The following MYT1L variants were observed in gnomAD, a reference collection of about 807,000 sequenced individuals.
The protein encoded by MYT1L is myelin transcription factor 1-like protein.
MYT1L carries 12 observed loss-of-function variants against 126.7 expected under a neutral mutation model. That is an observed-to-expected ratio of 0.09 (90% CI 0.06 to 0.15). MYT1L has a LOEUF of 0.15. Ranked by LOEUF, MYT1L falls within the 10% of genes least tolerant of loss-of-function variation. The pLI is 1.00. For synonymous variants in MYT1L, 541 were observed against 604.2 expected (o/e 0.90, Z 1.53); for missense variants, 979 against 1,585.2 (o/e 0.62, Z 6.49).
chr2:1,845,919 AC>A (rs1334348049), intron 19 of MYT1L, among the ~76,000 whole-genome samples: 3 of 151,326 alleles, frequency 2.0e-5, no homozygotes, highest in African/African-American at 4.9e-5. Flanking sequence ...TCTCTGCATG[AC>A]CTCCTAGAGA....
In MYT1L at chr2:1,990,904, C is replaced by T. The variant is rs2061406531; in HGVS notation, c.-1+6287G>A. ...TGCTCTGGGATGTGTTGGAACAGAG[C>T]CCAGGAATCTGCTGTGCAGCCTCAC... On this transcript the variant is annotated intron_variant, in intron 5 of 24. Transcript: ENST00000647738. 3.3e-5 allele frequency among the ~76,000 whole-genome samples: 5 copies of T among 152,282 alleles called. No individual in the cohort carries two copies. In the South Asian group the frequency reaches 1.0e-3, roughly 32 times the overall value.
chr2:1,977,591 C>T (rs912116918), intron 8 of MYT1L, among the ~76,000 whole-genome samples: 2 of 152,182 alleles, frequency 1.3e-5, no homozygotes, highest in African/African-American at 4.8e-5. Context: ...TTCCATCTTT[C>T]ACAATGTGAT....
At chr2:1,840,960 G>A (rs1184439338) in intron 19 of MYT1L, 117 bp from the exon 20 acceptor site, 22 of 695,568 alleles carry the variant, frequency 3.2e-5, no homozygotes, top group African/African-American at 2.0e-4. Context: ...CTGAAGTGCA[G>A]TGGTGTGATC....
chr2:2,227,184 G>C (rs1337442997), intron 2 of MYT1L, among the ~76,000 whole-genome samples: 1 of 152,070 alleles, frequency 6.6e-6, no homozygotes. Flanking sequence ...GCAGGCCTCA[G>C]ACCTTAGACC....
rs935276649 is a variant in MYT1L at position 1,852,187 on chromosome 2, C to T, written c.2712-484G>A. ...CCCTTCCACAGACTGGCCAGGGCTG[C>T]GGCCAGCCTGGGTGGTCCCAGGGAG... On this transcript the variant is annotated intron_variant, in intron 18 of 24. Coordinates refer to ENST00000647738, the MANE Select transcript of MYT1L (RefSeq NM_001303052.2). The surrounding 1 kb of genome is among the most constrained non-coding windows in gnomAD (Gnocchi z 4.0). 2.6e-5 allele frequency among the ~76,000 whole-genome samples: 4 copies of T among 152,148 alleles called. No individual in the cohort carries two copies. The highest frequency in any genetic ancestry group is 9.7e-5 in the African/African-American group (4 of 41,442).
intron 4 of MYT1L, among the ~76,000 whole-genome samples, chr2:2,051,816 A>G (rs2068860936): frequency 6.6e-6 from 1 of 152,250 alleles, no homozygotes; most frequent in South Asian, 2.1e-4. Context: ...CTTAAATTGC[A>G]TATAGAAATT....
At chr2:2,234,381 G>A (rs1027987719) in intron 2 of MYT1L, among the ~76,000 whole-genome samples, 20 of 152,262 alleles carry the variant, frequency 1.3e-4, no homozygotes, top group African/African-American at 4.3e-4. Context: ...TGTAGGGTGC[G>A]GAATTCAGAA....
rs1296457232 is a variant in MYT1L, at chr2:1,889,159, G to A, written c.2520+82C>T. On this transcript the variant is annotated intron_variant, in intron 16 of 24. Coordinates refer to ENST00000647738, the MANE Select transcript of MYT1L (RefSeq NM_001303052.2). The surrounding 1 kb of genome is among the most constrained non-coding windows in gnomAD (Gnocchi z 4.1). ...AAGAGAAAATATATTTTCTCATAAC[G>A]TATGTGCAAATGGCTTTTCTTTCAG... 1.1e-5 allele frequency: 11 copies of A among 1,016,162 alleles called. No homozygotes were observed. The highest frequency in any genetic ancestry group is 2.1e-4 in the Middle Eastern group (1 of 4,668). The allele number at this position is 1,016,162 out of a possible 1,614,324, so 62.9% of individuals were successfully genotyped here.
rs79456636 is a variant in MYT1L at position 2,028,106 on chromosome 2, C to G, written c.-158+25872G>C. On this transcript the variant is annotated intron_variant, in intron 4 of 24. Coordinates refer to ENST00000647738, the MANE Select transcript of MYT1L (RefSeq NM_001303052.2). ...ATGCTTAGCCAATAAGCTTTTGACT[C>G]ATGCTTTGCCCTGCTCCTTCAGGCA... 9.3e-3 allele frequency among the ~76,000 whole-genome samples: 1,415 copies of G among 152,368 alleles called. 29 individuals carry two copies. Among genetic ancestry groups the G allele is most frequent in the African/African-American group, 0.032 (1,325 of 41,590 alleles).
chr2:1,889,995 GGGA>G lies in MYT1L; in HGVS notation c.2284-521_2284-519del, dbSNP rs1476799128. ...ATTGATGCTAATAGTTCAAGAATTA[GGGA>G]GGAGGATAACAAAAGAATTAGAAGG... On this transcript the variant is annotated intron_variant, in intron 15 of 24. Coordinates refer to ENST00000647738, the MANE Select transcript of MYT1L (RefSeq NM_001303052.2). The surrounding 1 kb of genome is among the most constrained non-coding windows in gnomAD (Gnocchi z 4.1). Among the ~76,000 whole-genome samples the G allele has an allele frequency of 1.1e-4, 16 of 151,906 alleles. No homozygotes were observed. Among genetic ancestry groups the G allele is most frequent in the South Asian group, 2.1e-4 (1 of 4,816 alleles).
chr2:1,868,475 G>A (rs2045876598), intron 18 of MYT1L, among the ~76,000 whole-genome samples: 1 of 152,186 alleles, frequency 6.6e-6, no homozygotes, highest in South Asian at 2.1e-4. Flanking sequence ...CTTGATAATT[G>A]GGAAGGATCT....
chr2:2,026,927 G>C (rs925811997), intron 4 of MYT1L, among the ~76,000 whole-genome samples: 1 of 152,110 alleles, frequency 6.6e-6, no homozygotes, highest in African/African-American at 2.4e-5. Context: ...GCTTTTCTCT[G>C]AGTGTGGGGC....
chr2:2,187,512 C>T (rs896892587), intron 2 of MYT1L, among the ~76,000 whole-genome samples: 3 of 151,754 alleles, frequency 2.0e-5, no homozygotes, highest in Non-Finnish European at 4.4e-5. Context: ...TATTGATGAG[C>T]GGCAGAGGGA....
At chr2:1,860,927 G>A (rs2044504017) in intron 18 of MYT1L, among the ~76,000 whole-genome samples, 2 of 151,856 alleles carry the variant, frequency 1.3e-5, no homozygotes, top group South Asian at 4.2e-4. Context: ...AGACTAAGAC[G>A]GAGGATCCAG....
rs879209629 is a variant in MYT1L, at chr2:1,917,456, T to C, written c.1484-117A>G. On this transcript the variant is annotated intron_variant, in intron 10 of 24. Transcript: ENST00000647738. The surrounding 1 kb of genome is among the most constrained non-coding windows in gnomAD (Gnocchi z 5.9). Reference sequence around the variant, plus strand: ...AAGAAATAAAGCAGGTGTCGGGGGCTAGGCTGTGACATCAGACTTTTGCTT... The same window carrying C: ...AAGAAATAAAGCAGGTGTCGGGGGCCAGGCTGTGACATCAGACTTTTGCTT... 10 of 1,270,862 alleles carry C rather than the reference T, an allele frequency of 7.9e-6. No homozygotes were observed. The South Asian group carries it at 1.4e-4, about 18-fold the overall frequency. The allele number at this position is 1,270,862 out of a possible 1,614,324, so 78.7% of individuals were successfully genotyped here.
At chr2:2,034,298 CACCCTCCCAAT>C (rs2066766755) in intron 4 of MYT1L, among the ~76,000 whole-genome samples, 8 of 150,456 alleles carry the variant, frequency 5.3e-5, no homozygotes, top group African/African-American at 1.7e-4. Context: ...CCATAATCTC[CACCCTCCCAAT>C]GCGGGTGCAG....
chr2:1,824,792 T>G (rs923432757), intron 21 of MYT1L: 1 of 152,240 alleles, frequency 6.6e-6, no homozygotes, highest in African/African-American at 2.4e-5. Context: ...TTTGTTCTTC[T>G]TATGCATTTT....
intron 1 of MYT1L, among the ~76,000 whole-genome samples, chr2:2,292,566 C>G (rs1349092619): frequency 2.6e-5 from 4 of 152,138 alleles, no homozygotes; most frequent in African/African-American, 9.7e-5. Flanking sequence ...GGGACAGCCT[C>G]CCATCCCTGT....
intron 2 of MYT1L, among the ~76,000 whole-genome samples, chr2:2,209,917 T>C (rs1195596722): frequency 2.0e-5 from 3 of 152,094 alleles, no homozygotes; most frequent in Admixed American, 2.0e-4. Context: ...CTCCCACCAA[T>C]AGTCTTCTGT....
Sources: allele counts gnomAD v4.1 joint callset (sites outside exome capture counted in the v4.1 genomes callset), GRCh38; gene constraint gnomAD v4.1.1; non-coding constraint Gnocchi (gnomAD v3.1); transcripts MANE v1.5; gene names NCBI Gene and HGNC (gene_info 2026-07-23, HGNC 2026-07-21).